NUP155: variants seen among roughly 807,000 people sequenced by gnomAD.
NUP155 encodes nucleoporin 155.
Under a neutral mutation model 180.4 loss-of-function variants are expected in NUP155, and 71 were observed. The ratio of observed to expected loss-of-function variants is 0.39; its 90% CI spans 0.33 to 0.48. The LOEUF is 0.48. Among genes scored for constraint, NUP155 ranks in the 20% least tolerant of loss-of-function variants. The pLI is 0.91. For missense variants in NUP155, 1,553 were observed against 1,648.9 expected, an observed-to-expected ratio of 0.94 and a Z score of 1.01; for synonymous variants, 582 against 559.5, an observed-to-expected ratio of 1.04 and a Z score of -0.57.
chr5:37,332,314 T>C (rs989142947), intron 13 of NUP155, among the ~76,000 whole-genome samples: 7 of 56,756 alleles, frequency 1.2e-4, no homozygotes, highest in Admixed American at 6.4e-4. Flanking sequence ...CCATTACAGC[T>C]TTTTTTTTTT....
chr5:37,337,579 G>C (rs1745415041), intron 12 of NUP155, among the ~76,000 whole-genome samples: 1 of 151,986 alleles, frequency 6.6e-6, no homozygotes, highest in Non-Finnish European at 1.5e-5. Flanking sequence ...AGTACATTAT[G>C]GAAAATATTC....
intron 5 of NUP155, among the ~76,000 whole-genome samples, chr5:37,351,938 C>T (rs752870039): frequency 6.6e-6 from 1 of 152,030 alleles, no homozygotes; most frequent in Non-Finnish European, 1.5e-5. Context: ...AAGAAACTAA[C>T]CCGGCCGGGT....
chr5:37,352,886 T>C lies in NUP155; in HGVS notation c.464-57A>G, dbSNP rs1049768211. On this transcript the variant is annotated intron_variant, in intron 4 of 34. Transcript: ENST00000231498. ...TTTCAGCATTTAAGCACTAACAGAG[T>C]AAGCTTTTATTACCATTAAAGTGAG... 1.4e-5 allele frequency: 16 copies of C among 1,167,922 alleles called. No homozygotes were observed. In the Admixed American group the frequency reaches 1.4e-4, roughly 10 times the overall value. 72.3% of individuals were successfully genotyped at this position (1,167,922 alleles called of 1,614,324 possible).
At chr5:37,352,434 A>C (rs1362730277) in intron 5 of NUP155, among the ~76,000 whole-genome samples, 2 of 152,158 alleles carry the variant, frequency 1.3e-5, no homozygotes, top group Non-Finnish European at 2.9e-5. Flanking sequence ...GCAACTCAAG[A>C]GACTGAAGCA....
intron 1 of NUP155, among the ~76,000 whole-genome samples, chr5:37,365,572 G>T (rs1409970422): frequency 6.6e-6 from 1 of 151,382 alleles, no homozygotes; most frequent in African/African-American, 2.4e-5. Flanking sequence ...GCCAGGCACA[G>T]TAGCAAGCAC....
chr5:37,357,057 A>C (rs1489554168), intron 4 of NUP155, among the ~76,000 whole-genome samples: 2 of 152,124 alleles, frequency 1.3e-5, no homozygotes, highest in Non-Finnish European at 2.9e-5. Context: ...CTGTGAGCGG[A>C]GATCACGCCA....
chr5:37,356,175 G>A (rs1746815670), intron 4 of NUP155, among the ~76,000 whole-genome samples: 1 of 143,378 alleles, frequency 7.0e-6, no homozygotes, highest in African/African-American at 2.6e-5. Context: ...GGTGCGGTGA[G>A]CCGAGATCAC....
chr5:37,293,433 C>T (rs1742337646), intron 33 of NUP155, among the ~76,000 whole-genome samples: 1 of 152,152 alleles, frequency 6.6e-6, no homozygotes. Context: ...TATTTAACAT[C>T]TCTGCTCTTG....
At position 37,307,197 on chromosome 5, in the gene NUP155, C is replaced by CAAA. The variant is rs34995492; in HGVS notation, c.2903+97_2903+99dup. ...CAGGTGACAGAGCAAGACTCTGTCTCAAAAAAAAAAAAAAAACATAAAACA... is the reference window on the plus strand; with the variant it reads ...CAGGTGACAGAGCAAGACTCTGTCTCAAAAAAAAAAAAAAAAAAACATAAAACA... On this transcript the variant is annotated intron_variant, in intron 25 of 34. Transcript: ENST00000231498. 7,968 of 939,200 alleles carry CAAA rather than the reference C, an allele frequency of 8.5e-3. 361 individuals carry two copies. The African/African-American group carries it at 0.16, about 19-fold the overall frequency. 58.2% of individuals were successfully genotyped at this position (939,200 alleles called of 1,614,324 possible).
chr5:37,296,784 T>C (rs1478151264), intron 32 of NUP155, among the ~76,000 whole-genome samples: 1 of 152,246 alleles, frequency 6.6e-6, no homozygotes, highest in Non-Finnish European at 1.5e-5. Context: ...ATATTAAATG[T>C]GTTTTTTAAT....
At chr5:37,364,675 C>G (rs1268636469) in intron 1 of NUP155, among the ~76,000 whole-genome samples, 1 of 150,686 alleles carries the variant, frequency 6.6e-6, no homozygotes, top group Middle Eastern at 3.5e-3. Flanking sequence ...CTCGCACTGT[C>G]GCCCAGGCTG....
intron 25 of NUP155, among the ~76,000 whole-genome samples, chr5:37,307,067 G>A (rs1033112451): frequency 1.3e-5 from 2 of 151,566 alleles, no homozygotes; most frequent in African/African-American, 2.4e-5. Context: ...GCGTGGTGGT[G>A]TGCACCTGTA....
intron 6 of NUP155, 124 bp from the exon 7 acceptor site, chr5:37,350,389 C>T: frequency 3.0e-6 from 2 of 665,062 alleles, no homozygotes; most frequent in East Asian, 2.7e-5. Flanking sequence ...TCACTAATAC[C>T]AGTTATAATC....
rs200556284 is a variant in NUP155 at position 37,366,287 on chromosome 5, T to TA, written c.158-1904dup. On this transcript the variant is annotated intron_variant, in intron 1 of 34. Coordinates refer to ENST00000231498, the MANE Select transcript of NUP155 (RefSeq NM_153485.3). ...ACAAAGATGTTAAGGAAAACTGACA[T>TA]ATAAAACAATCTTGAAGTGTATTAT... is the stretch of plus-strand genomic sequence containing the variant. Among the ~76,000 whole-genome samples the TA allele has an allele frequency of 4.7e-3, 713 of 152,266 alleles. 3 individuals carry two copies. The highest frequency in any genetic ancestry group is 0.016 in the African/African-American group (652 of 41,550).
intron 33 of NUP155, chr5:37,293,262 G>C (rs1742329442): frequency 3.2e-6 from 1 of 309,324 alleles, no homozygotes. Flanking sequence ...TTAGGAATCT[G>C]AGATAAGAGA....
chr5:37,320,848 T>C (rs1269744024), intron 20 of NUP155, among the ~76,000 whole-genome samples: 1 of 152,044 alleles, frequency 6.6e-6, no homozygotes, highest in Non-Finnish European at 1.5e-5. Flanking sequence ...GGAAACAAAA[T>C]GTAATAGAGT....
At position 37,299,459 on chromosome 5, in the gene NUP155, A is replaced by G. The variant is rs1742750055; in HGVS notation, c.3671T>C (p.Ile1224Thr). 1 of 1,613,936 alleles carries G rather than the reference A, an allele frequency of 6.2e-7. No homozygotes were observed. Among genetic ancestry groups the G allele is most frequent in the African/African-American group, 1.3e-5 (1 of 74,890 alleles). ...PILVQTLWQD[I>T]IEKELSDSVT... ...AACTGAACACTTACCTTTCTCTATGATATCTTGCCAAAGTGTCTGCACCAA... is the reference window on the plus strand; with the variant it reads ...AACTGAACACTTACCTTTCTCTATGGTATCTTGCCAAAGTGTCTGCACCAA... Residue 1224 changes from isoleucine (I) to threonine (T), a missense_variant, in exon 31 of 35, where the codon ATC (isoleucine) becomes ACC (threonine). Physicochemically the swap from Ile to Thr is moderately conservative, Grantham distance 89. Coordinates refer to ENST00000231498, the MANE Select transcript of NUP155 (RefSeq NM_153485.3).
At chr5:37,308,744 G>C (rs1213417740) in intron 24 of NUP155, among the ~76,000 whole-genome samples, 1 of 151,000 alleles carries the variant, frequency 6.6e-6, no homozygotes, top group Non-Finnish European at 1.5e-5. Flanking sequence ...GCTGGGCGTG[G>C]TGGCGTGCGC....
intron 11 of NUP155, among the ~76,000 whole-genome samples, chr5:37,340,675 G>C (rs1745656642): frequency 6.6e-6 from 1 of 152,164 alleles, no homozygotes; most frequent in African/African-American, 2.4e-5. Context: ...TGCTCAGACA[G>C]CTAGATAACC....
Sources: allele counts gnomAD v4.1 joint callset (sites outside exome capture counted in the v4.1 genomes callset), GRCh38; gene constraint gnomAD v4.1.1; transcripts MANE v1.5; gene names NCBI Gene and HGNC (gene_info 2026-07-23, HGNC 2026-07-21).